Variants in CHD8 observed in about 807,000 individuals in gnomAD.
CHD8 encodes the protein chromodomain helicase DNA binding protein 8.
Under a neutral mutation model 279.2 loss-of-function variants are expected in CHD8, and 31 were observed. The ratio of observed to expected loss-of-function variants is 0.11; its 90% confidence interval spans 0.08 to 0.15. CHD8 has a LOEUF of 0.15. CHD8 is among the 10% of genes least tolerant of loss of function. The probability of loss-of-function intolerance (pLI) is 1.00; values close to 1 mark genes in which losing one functional copy is unlikely to be tolerated. For missense variants in CHD8, 2,146 were observed against 3,230.5 expected (o/e 0.66, Z 8.14); for synonymous variants, 1,081 against 1,139.6 (o/e 0.95, Z 1.04).
At chr14:21,432,377 TA>T (rs1352067912) in intron 1 of CHD8, among the ~76,000 whole-genome samples, 1 of 152,210 alleles carries the variant, frequency 6.6e-6, no homozygotes, top group Non-Finnish European at 1.5e-5. Context: ...AAAGTGATCA[TA>T]CAATTTTACC....
rs773320756 is a variant in CHD8 at position 21,392,027 on chromosome 14, C to A, written c.6772-81G>T. The A allele has an allele frequency of 1.1e-4, 111 of 998,332 alleles. 1 individual carries two copies. Among genetic ancestry groups the A allele is most frequent in the Non-Finnish European group, 1.1e-4 (68 of 624,066 alleles). The allele number at this position is 998,332 out of a possible 1,614,324, so 61.8% of individuals were successfully genotyped here. ...AAGATTAAGCTTTGAGGGATGTGGG[C>A]TATAGGTCATCCTCTTGCCCAATGA... On this transcript the variant is annotated intron_variant, in intron 34 of 37. Coordinates refer to ENST00000646647, the MANE Select transcript of CHD8 (RefSeq NM_001170629.2).
rs1555316382 is a variant in CHD8, at chr14:21,414,963, C to A, written c.1999G>T (p.Glu667Ter). ...LPSGQYTEAE[E>*]FFVKYKNYSY... is the part of the protein sequence containing the mutation. ...TAGTTCTTGTACTTGACAAAGAATT[C>A]TTCTGCTTCAGTATATTGTCCAGAA... The change falls in exon 8 of 38, where the codon GAA (glutamate) becomes TAA (stop). Residue 667 changes from glutamate to a stop codon, truncating the protein, a stop_gained. Transcript: ENST00000646647. LOFTEE classifies it high-confidence loss of function. The A allele has an allele frequency of 6.2e-7, 1 of 1,601,016 alleles. No homozygotes were observed. Among genetic ancestry groups the A allele is most frequent in the Non-Finnish European group, 8.5e-7 (1 of 1,172,748 alleles).
At position 21,385,965 on chromosome 14, in the gene CHD8, G is replaced by C. The variant is rs765924291; in HGVS notation, c.7394C>G (p.Ala2465Gly). 1 of 1,564,738 alleles carries C rather than the reference G, an allele frequency of 6.4e-7. No individual in the cohort carries two copies. The highest frequency in any genetic ancestry group is 1.2e-5 in the South Asian group (1 of 84,846). Residue 2465 changes from alanine (A) to glycine (G), a missense_variant, in exon 38 of 38, where the codon GCC becomes GGC. By Grantham distance (60) the Ala-to-Gly change is moderately conservative (BLOSUM62 0). Around this residue, in one of 26 missense-constraint regions of CHD8, gnomAD observed 336 missense variants for 392.9 expected, o/e 0.86. Coordinates refer to ENST00000646647, the MANE Select transcript of CHD8 (RefSeq NM_001170629.2). ...QSVSSLGHSSATSASLPFMPF... is the reference protein window; with the variant it reads ...QSVSSLGHSSGTSASLPFMPF... ...CATAAAAGGCAAAGATGCAGAAGTGGCACTGCTGTGACCCAAAGATGACAC... is the reference window on the plus strand; with the variant it reads ...CATAAAAGGCAAAGATGCAGAAGTGCCACTGCTGTGACCCAAAGATGACAC...
chr14:21,409,830 C>T (rs768236098), intron 11 of CHD8, 21 bp downstream of exon 11: 12 of 1,607,084 alleles, frequency 7.5e-6, no homozygotes, highest in African/African-American at 1.3e-5. Flanking sequence ...GGCCTTTATA[C>T]TTTAATGCAA....
At position 21,403,996 on chromosome 14, in the gene CHD8, G is replaced by A. The variant is rs1331366884; in HGVS notation, c.3308-333C>T. On this transcript the variant is annotated intron_variant, in intron 16 of 37. Transcript: ENST00000646647. This position sits in a 1 kb window ranked among gnomAD's most constrained non-coding sequence, Gnocchi z 4.3. ...GGCCTGTAGTTCCAGCTACTCAGGA[G>A]GCTGAGGCAGGAGAATCGCTTGAAT... Among the ~76,000 whole-genome samples, 1 of 152,128 alleles carries A rather than the reference G, an allele frequency of 6.6e-6. No homozygotes were observed. Among genetic ancestry groups the A allele is most frequent in the Admixed American group, 6.5e-5 (1 of 15,278 alleles).
chr14:21,418,044 G>A (rs1202274802), intron 5 of CHD8, among the ~76,000 whole-genome samples: 2 of 151,512 alleles, frequency 1.3e-5, no homozygotes, highest in East Asian at 1.9e-4. Flanking sequence ...ACAAAGTCAC[G>A]TTTGTATATT....
intron 9 of CHD8, 142 bp from the exon 10 acceptor site, chr14:21,413,138 C>T: frequency 1.6e-6 from 1 of 643,844 alleles, no homozygotes; most frequent in Non-Finnish European, 2.8e-6. Flanking sequence ...TCTCCTTTTT[C>T]ATAACAGCAA....
chr14:21,393,930 G>T lies in CHD8; in HGVS notation c.5865C>A (p.Phe1955Leu). 6.2e-7 allele frequency: 1 copy of T among 1,614,022 alleles called. No individual in the cohort carries two copies. The highest frequency in any genetic ancestry group is 1.1e-5 in the South Asian group (1 of 91,086). ...AATTCATACGGGCAGCCAGAAAAGA[G>T]AAGTCTGGGTCCTGCATGATGTTGC... is the stretch of plus-strand genomic sequence containing the variant. The part of the protein sequence containing the change: ...TDCNIMQDPD[F>L]SFLAARMNYM... The change falls in exon 32 of 38, where the codon TTC becomes TTA. Residue 1955 changes from phenylalanine to leucine, a missense_variant. By Grantham distance (22) the Phe-to-Leu change is conservative. Coordinates refer to ENST00000646647, the MANE Select transcript of CHD8 (RefSeq NM_001170629.2).
chr14:21,424,123 G>C (rs1485240918), intron 5 of CHD8, among the ~76,000 whole-genome samples: 1 of 152,142 alleles, frequency 6.6e-6, no homozygotes, highest in Non-Finnish European at 1.5e-5. Context: ...ACTTTAAAAT[G>C]TATTCATGTC....
intron 1 of CHD8, among the ~76,000 whole-genome samples, chr14:21,435,206 C>A (rs1370531863): frequency 6.6e-6 from 1 of 152,136 alleles, no homozygotes; most frequent in Admixed American, 6.5e-5. Context: ...TCTTGGAGGG[C>A]ATGTAGGGGG....
intron 1 of CHD8, among the ~76,000 whole-genome samples, chr14:21,453,068 G>C (rs1464741419): frequency 6.6e-6 from 1 of 151,752 alleles, no homozygotes; most frequent in East Asian, 1.9e-4. Flanking sequence ...CAGCACTTCG[G>C]GAGGCCAAGG....
chr14:21,387,969 G>A (rs1446002631), intron 37 of CHD8, among the ~76,000 whole-genome samples: 1 of 151,958 alleles, frequency 6.6e-6, no homozygotes, highest in Admixed American at 6.6e-5. Flanking sequence ...CTTACAGGCT[G>A]CTCTATAATG....
In CHD8 at chr14:21,392,627, T is replaced by A. The variant is rs1423548053; in HGVS notation, c.6651A>T (p.Arg2217=). The part of the protein sequence containing the change: ...EYGDSPVPTP[R]SSSAASMAEE... ...CTGCCATGGAAGCTGCACTACTACT[T>A]CGTGGTGTGGGGACTGGAGAGTCAC... is the stretch of plus-strand genomic sequence containing the variant. The change falls in exon 34 of 38, where the codon CGA becomes CGT. Residue 2217 remains arginine (R), a synonymous_variant. Transcript: ENST00000646647. 7 of 1,613,826 alleles carry A rather than the reference T, an allele frequency of 4.3e-6. No homozygotes were observed. Among genetic ancestry groups the A allele is most frequent in the South Asian group, 2.2e-5 (2 of 91,090 alleles).
intron 1 of CHD8, among the ~76,000 whole-genome samples, chr14:21,440,332 G>C (rs1264262101): frequency 6.6e-6 from 1 of 151,788 alleles, no homozygotes; most frequent in African/African-American, 2.4e-5. Context: ...TCAGCCTCCC[G>C]GGTAGCTGGG....
In CHD8 at chr14:21,385,663, C is replaced by G. The variant is rs942571885; in HGVS notation, c.7696G>C (p.Asp2566His). 2 of 1,551,938 alleles carry G rather than the reference C, an allele frequency of 1.3e-6. No homozygotes were observed. The highest frequency in any genetic ancestry group is 1.7e-6 in the Non-Finnish European group (2 of 1,147,042). Residue 2566 changes from aspartate (D) to histidine (H), a missense_variant, in exon 38 of 38, where the codon GAT becomes CAT. By Grantham distance (81) the Asp-to-His change is moderately conservative. Coordinates refer to ENST00000646647, the MANE Select transcript of CHD8 (RefSeq NM_001170629.2). Reference protein sequence around the residue: ...SSERDFSLIDDPMMPANSDSS... With the variant: ...SSERDFSLIDHPMMPANSDSS... ...TCTGAGTTAGCTGGCATCATAGGATCATCAATGAGTGAGAAGTCCCTTTCT... is the reference window on the plus strand; with the variant it reads ...TCTGAGTTAGCTGGCATCATAGGATGATCAATGAGTGAGAAGTCCCTTTCT...
chr14:21,422,499 T>C (rs1408286055), intron 5 of CHD8, among the ~76,000 whole-genome samples: 1 of 152,244 alleles, frequency 6.6e-6, no homozygotes, highest in Admixed American at 6.5e-5. Flanking sequence ...GTTTAACAAA[T>C]ACTTTATTAC....
rs968361265 is a variant in CHD8 at position 21,393,316 on chromosome 14, G to A, written c.6320-62C>T. The A allele has an allele frequency of 2.5e-6, 4 of 1,588,428 alleles. No individual in the cohort carries two copies. The East Asian group carries it at 9.0e-5, about 36-fold the overall frequency. On this transcript the variant is annotated intron_variant, in intron 32 of 37. Transcript: ENST00000646647. ...GGAAGAATAATGTCATATGGTAATGGTATTATATGGGCTTTGAATAAAGGC... is the reference window on the plus strand; with the variant it reads ...GGAAGAATAATGTCATATGGTAATGATATTATATGGGCTTTGAATAAAGGC...
At chr14:21,437,184 G>A in intron 1 of CHD8, 7 of 1,171,606 alleles carry the variant, frequency 6.0e-6, no homozygotes, top group Non-Finnish European at 7.6e-6. Flanking sequence ...GAGGAGAGAG[G>A]TGGCTTTACC....
rs1326589957 is a variant in CHD8 at position 21,426,158 on chromosome 14, T to G, written c.1686A>C (p.Ser562=). 6.2e-7 allele frequency: 1 copy of G among 1,610,178 alleles called. No homozygotes were observed. The highest frequency in any genetic ancestry group is 2.2e-5 in the East Asian group (1 of 44,850). Residue 562 remains serine (S), a synonymous_variant, in exon 5 of 38, where the codon TCA becomes TCC. Coordinates refer to ENST00000646647, the MANE Select transcript of CHD8 (RefSeq NM_001170629.2). ...TGCTGCTTTCTTCATCTTCTCGAGG[T>G]GACTGTGCAGGCATGACTTCCACAT... ...NSDVEVMPAQ[S]PREDEESSIQ...
Sources: allele counts gnomAD v4.1 joint callset (sites outside exome capture counted in the v4.1 genomes callset), GRCh38; gene constraint gnomAD v4.1.1; regional missense constraint gnomAD v4.1.1; non-coding constraint Gnocchi (gnomAD v3.1); transcripts MANE v1.5; gene names NCBI Gene and HGNC (gene_info 2026-07-23, HGNC 2026-07-21).